The following STK3 variants were observed in gnomAD, a reference collection of about 807,000 sequenced individuals.
STK3 encodes serine/threonine kinase 3.
Under a neutral mutation model 58.0 loss-of-function variants are expected in STK3, and 41 were observed. The observed-to-expected ratio is 0.71, with a 90% CI of 0.55 to 0.92. The LOEUF is 0.92. Among genes scored for constraint, STK3 ranks in the 40% least tolerant of loss-of-function variants. The pLI is 0.00. For missense variants in STK3, 479 were observed against 602.7 expected, an observed-to-expected ratio of 0.79 and a Z score of 2.15; for synonymous variants, 170 against 191.0, an observed-to-expected ratio of 0.89 and a Z score of 0.91.
chr8:98,478,114 C>A lies in STK3; in HGVS notation c.1318-22114G>T, dbSNP rs930375087. 6.6e-5 allele frequency among the ~76,000 whole-genome samples: 10 copies of A among 152,218 alleles called. No homozygotes were observed. In the South Asian group the frequency reaches 1.9e-3, roughly 28 times the overall value. On this transcript the variant is annotated intron_variant, in intron 10 of 10. Transcript: ENST00000419617. ...TTGGTCACATGCTGCTCTTTGTGAA[C>A]ATGACTCAATGTAGCGGAAATTTGA...
chr8:98,770,784 C>G (rs753288778), intron 2 of STK3, among the ~76,000 whole-genome samples: 1 of 152,096 alleles, frequency 6.6e-6, no homozygotes, highest in African/African-American at 2.4e-5. Flanking sequence ...TAATAGATAA[C>G]AGGATCCCAG....
chr8:98,649,056 CAAA>C (rs199732980), intron 6 of STK3, among the ~76,000 whole-genome samples: 6 of 89,198 alleles, frequency 6.7e-5, no homozygotes, highest in African/African-American at 8.2e-5. Flanking sequence ...GACTCTGTCT[CAAA>C]AAAAAAAAAA....
intron 6 of STK3, among the ~76,000 whole-genome samples, chr8:98,700,262 G>A (rs993812457): frequency 2.0e-5 from 3 of 152,274 alleles, no homozygotes; most frequent in South Asian, 2.1e-4. Context: ...TCCAGGTGCC[G>A]TCTGTCACCC....
chr8:98,507,255 C>T (rs1365549919), intron 10 of STK3, among the ~76,000 whole-genome samples: 1 of 152,114 alleles, frequency 6.6e-6, no homozygotes, highest in Non-Finnish European at 1.5e-5. Flanking sequence ...TTTGGTATGC[C>T]CACCTGGATG....
At chr8:98,600,104 CAGAGTT>C (rs1816201002) in intron 6 of STK3, among the ~76,000 whole-genome samples, 1 of 152,118 alleles carries the variant, frequency 6.6e-6, no homozygotes. Context: ...ACAGTAAGCA[CAGAGTT>C]AAAGTATTGG....
At chr8:98,916,909 T>G (rs891472291) in intron 1 of STK3, among the ~76,000 whole-genome samples, 4 of 152,178 alleles carry the variant, frequency 2.6e-5, no homozygotes, top group Non-Finnish European at 4.4e-5. Context: ...CAGTCCTTTT[T>G]GATGGGGATT....
At chr8:98,495,782 C>T (rs1161929161) in intron 10 of STK3, among the ~76,000 whole-genome samples, 4 of 152,138 alleles carry the variant, frequency 2.6e-5, no homozygotes, top group Non-Finnish European at 5.9e-5. Flanking sequence ...ACTTTTGTCT[C>T]ACTATTAATG....
chr8:98,372,421 GC>G (rs903960670), intron 2 of STK3, among the ~76,000 whole-genome samples: 3 of 152,126 alleles, frequency 2.0e-5, no homozygotes, highest in African/African-American at 7.2e-5. Context: ...CAGCTCCCCG[GC>G]CCCTCCACCC....
intron 1 of STK3, among the ~76,000 whole-genome samples, chr8:98,903,538 CTTCTTCTTCTTCTTCTTCCTTT>C (rs1242569466): frequency 1.5e-3 from 43 of 28,412 alleles, no homozygotes; most frequent in Middle Eastern, 0.021. Flanking sequence ...TCTTCTTCTT[CTTCTTCTTCTTCTTCTTCCTTT>C]TTTTTTTTTT....
At chr8:98,735,344 T>C (rs1395371458) in intron 4 of STK3, among the ~76,000 whole-genome samples, 1 of 152,148 alleles carries the variant, frequency 6.6e-6, no homozygotes, top group East Asian at 1.9e-4. Flanking sequence ...ACTAATTAAA[T>C]GTAACTCCCA....
chr8:98,692,956 G>A (rs1415555101), intron 6 of STK3, among the ~76,000 whole-genome samples: 1 of 151,974 alleles, frequency 6.6e-6, no homozygotes, highest in Non-Finnish European at 1.5e-5. Flanking sequence ...CAATTTGGGG[G>A]GGAAAAATAC....
intron 6 of STK3, among the ~76,000 whole-genome samples, chr8:98,702,527 G>A (rs182170191): frequency 1.3e-5 from 2 of 152,238 alleles, no homozygotes; most frequent in East Asian, 3.9e-4. Context: ...CCAAGCTCAA[G>A]GCATCTCTTT....
chr8:98,813,089 GAC>G (rs1337162327), intron 1 of STK3, among the ~76,000 whole-genome samples: 3 of 151,406 alleles, frequency 2.0e-5, no homozygotes, highest in Non-Finnish European at 4.4e-5. Context: ...GACGACGTCA[GAC>G]ACACTTTTTA....
At chr8:98,873,621 G>A in intron 3 of STK3, among the ~76,000 whole-genome samples, 1 of 151,278 alleles carries the variant, frequency 6.6e-6, no homozygotes, top group Non-Finnish European at 1.5e-5. Context: ...TTTAATCTTT[G>A]TTGGTTTAAA....
chr8:98,398,579 G>A (rs941089245), downstream of STK3, among the ~76,000 whole-genome samples: 3 of 152,156 alleles, frequency 2.0e-5, no homozygotes, highest in Admixed American at 6.5e-5. Context: ...GTGCCTCGCC[G>A]CTCTTAGTCC....
chr8:98,378,257 T>A, intron 2 of STK3, among the ~76,000 whole-genome samples: 1 of 152,240 alleles, frequency 6.6e-6, no homozygotes, highest in Non-Finnish European at 1.5e-5. Flanking sequence ...AGCATCCACC[T>A]TTCTCTACAG....
intron 9 of STK3, among the ~76,000 whole-genome samples, chr8:98,533,665 C>G (rs1809513226): frequency 6.6e-6 from 1 of 151,976 alleles, no homozygotes; most frequent in Non-Finnish European, 1.5e-5. Flanking sequence ...TTTTTGTTTA[C>G]TTTTTGTAGA....
chr8:98,936,546 A>C (rs560821348), intron 1 of STK3, among the ~76,000 whole-genome samples: 26 of 152,246 alleles, frequency 1.7e-4, no homozygotes, highest in Non-Finnish European at 2.8e-4. Flanking sequence ...TCTACAAACC[A>C]ATGCCCTTAA....
chr8:98,547,674 T>C (rs1810814494), intron 9 of STK3, among the ~76,000 whole-genome samples: 1 of 152,212 alleles, frequency 6.6e-6, no homozygotes, highest in Non-Finnish European at 1.5e-5. Flanking sequence ...GGAAAGTAAA[T>C]GTTAGGAACA....
Sources: allele counts gnomAD v4.1 joint callset (sites outside exome capture counted in the v4.1 genomes callset), GRCh38; gene constraint gnomAD v4.1.1; transcripts MANE v1.5; gene names NCBI Gene and HGNC (gene_info 2026-07-23, HGNC 2026-07-21).